Variants in SH3PXD2A observed in about 807,000 individuals in gnomAD.
SH3PXD2A encodes SH3 and PX domain-containing protein 2A.
In SH3PXD2A, 32 loss-of-function variants were observed where a neutral mutation model predicts 115.2. The observed-to-expected ratio is 0.28, with a 90% CI of 0.21 to 0.37. The LOEUF is 0.37. Ranked by LOEUF, SH3PXD2A falls within the 10% of genes least tolerant of loss-of-function variation. The probability of loss-of-function intolerance (pLI) is 1.00; values close to 1 mark genes in which losing one functional copy is unlikely to be tolerated. For missense variants in SH3PXD2A, 1,328 were observed against 1,498.7 expected (o/e 0.89, Z 1.88); for synonymous variants, 610 against 629.1 (o/e 0.97, Z 0.45).
At chr10:103,772,332 C>G (rs1246458494) in intron 2 of SH3PXD2A, among the ~76,000 whole-genome samples, 1 of 152,244 alleles carries the variant, frequency 6.6e-6, no homozygotes. Context: ...GTCTCCTGAA[C>G]CTGCTGCCCC....
At chr10:103,681,865 C>A (rs1446606622) in intron 6 of SH3PXD2A, among the ~76,000 whole-genome samples, 4 of 152,098 alleles carry the variant, frequency 2.6e-5, no homozygotes, top group Admixed American at 6.5e-5. Flanking sequence ...GCTTGAGGAG[C>A]TTGGGAGTTT....
At chr10:103,613,276 C>G in intron 11 of SH3PXD2A, 86 bp from the exon 12 acceptor site, 1 of 1,021,074 alleles carries the variant, frequency 9.8e-7, no homozygotes, top group Non-Finnish European at 1.4e-6. Context: ...CTGGCCTTGC[C>G]CAGTGGAGCC....
In SH3PXD2A at chr10:103,623,089, G is replaced by T. The variant is rs1437807691; in HGVS notation, c.719-536C>A. ...GGATCCCTTCCTTGCGGGGCTGAGA[G>T]CTCTCGCCATTCTGGGAACCCTTCC... On this transcript the variant is annotated intron_variant, in intron 9 of 14. Transcript: ENST00000369774. Among the ~76,000 whole-genome samples, 2 of 152,212 alleles carry T rather than the reference G, an allele frequency of 1.3e-5. 1 individual carries two copies. The highest frequency in any genetic ancestry group is 2.9e-5 in the Non-Finnish European group (2 of 68,034).
chr10:103,780,501 C>A (rs1223032009), intron 2 of SH3PXD2A, among the ~76,000 whole-genome samples: 1 of 152,226 alleles, frequency 6.6e-6, no homozygotes, highest in Non-Finnish European at 1.5e-5. Flanking sequence ...GGGCTGTGAA[C>A]CAGCACCAGC....
chr10:103,673,983 T>C (rs138402953), intron 6 of SH3PXD2A, among the ~76,000 whole-genome samples: 11 of 152,358 alleles, frequency 7.2e-5, no homozygotes, highest in Admixed American at 6.5e-4. Flanking sequence ...CATCCTTCAG[T>C]ATCTCTACAC....
chr10:103,727,801 G>A (rs932906171), intron 4 of SH3PXD2A, among the ~76,000 whole-genome samples: 4 of 152,358 alleles, frequency 2.6e-5, no homozygotes, highest in South Asian at 4.1e-4. Flanking sequence ...GAGGGGAGCC[G>A]CGTGGAGGGC....
At chr10:103,605,999 C>T (rs1444136328) in intron 13 of SH3PXD2A, 82 bp from the exon 14 acceptor site, 28 of 1,497,374 alleles carry the variant, frequency 1.9e-5, no homozygotes, top group East Asian at 4.7e-5. Context: ...CCACTCAGTC[C>T]CCAGGGGGTG....
At chr10:103,678,363 C>T (rs972405306) in intron 6 of SH3PXD2A, among the ~76,000 whole-genome samples, 2 of 152,258 alleles carry the variant, frequency 1.3e-5, no homozygotes, top group South Asian at 2.1e-4. Context: ...CTGGCTCTCA[C>T]GTGACCCAGC....
At position 103,596,754 on chromosome 10, in the gene SH3PXD2A, A is replaced by G. The variant is rs1054435596; in HGVS notation, c.*5062T>C. 2.0e-5 allele frequency: 3 copies of G among 152,406 alleles called. No individual in the cohort carries two copies. Among genetic ancestry groups the G allele is most frequent in the Admixed American group, 2.0e-4 (3 of 15,258 alleles). 9.4% of individuals were successfully genotyped at this position (152,406 alleles called of 1,614,324 possible). On this transcript the variant is annotated 3_prime_UTR_variant, in exon 15 of 15. Coordinates refer to ENST00000369774, the MANE Select transcript of SH3PXD2A (RefSeq NM_001394015.1). Reference sequence around the variant, plus strand: ...TAGCAATGTGGACAGTTCTCTTCCCAGAGAGCTCTGCTTTGAGATTCTCAA... The same window carrying G: ...TAGCAATGTGGACAGTTCTCTTCCCGGAGAGCTCTGCTTTGAGATTCTCAA...
chr10:103,762,543 G>A (rs987030487), intron 3 of SH3PXD2A, among the ~76,000 whole-genome samples: 1 of 152,138 alleles, frequency 6.6e-6, no homozygotes, highest in Non-Finnish European at 1.5e-5. Flanking sequence ...AGGGTGTCTG[G>A]GCTCTGGAGT....
intron 1 of SH3PXD2A, among the ~76,000 whole-genome samples, chr10:103,832,783 C>A (rs563614711): frequency 1.3e-5 from 2 of 152,156 alleles, no homozygotes; most frequent in East Asian, 3.9e-4. Flanking sequence ...AGGAGATATA[C>A]CTAATGTAAA....
chr10:103,682,711 C>T (rs56134400), intron 6 of SH3PXD2A, among the ~76,000 whole-genome samples: 6 of 151,044 alleles, frequency 4.0e-5, no homozygotes, highest in South Asian at 4.2e-4. Flanking sequence ...GAGCCGAGAT[C>T]GTGCCATTGC....
At chr10:103,828,903 G>T (rs1002773644) in intron 1 of SH3PXD2A, among the ~76,000 whole-genome samples, 1 of 152,138 alleles carries the variant, frequency 6.6e-6, no homozygotes, top group Non-Finnish European at 1.5e-5. Flanking sequence ...TTGAAAGGTG[G>T]TGTTGCGATT....
Position 103,602,592 on chromosome 10 carries a change from C to A in SH3PXD2A, c.2626G>T (p.Gly876Trp). The A allele has an allele frequency of 6.2e-7, 1 of 1,614,180 alleles. No individual in the cohort carries two copies. Among genetic ancestry groups the A allele is most frequent in the Non-Finnish European group, 8.5e-7 (1 of 1,180,040 alleles). The change falls in exon 15 of 15, where the codon GGG becomes TGG. Residue 876 changes from glycine to tryptophan, a missense_variant. Transcript: ENST00000369774. ...EVQVLEKQES[G>W]WWYVRFGELE... ...TCCCCAAACCTCACATACCACCACC[C>A]GCTCTCCTGCTTCTCCAGCACCTGC...
chr10:103,838,482 C>G (rs999313255), intron 1 of SH3PXD2A, among the ~76,000 whole-genome samples: 1 of 152,232 alleles, frequency 6.6e-6, no homozygotes, highest in African/African-American at 2.4e-5. Flanking sequence ...AATTTGAACT[C>G]AGGCAGTCTG....
At position 103,690,330 on chromosome 10, in the gene SH3PXD2A, G is replaced by C. The variant is rs1031318559; in HGVS notation, c.427+2698C>G. 2.0e-5 allele frequency among the ~76,000 whole-genome samples: 3 copies of C among 152,334 alleles called. No homozygotes were observed. In the East Asian group the frequency reaches 5.8e-4, roughly 29 times the overall value. ...TTATAACCATATGAGGTGTGTATTAGTCAGTGTTCTCCAGAGAAACAGAAC... is the reference window on the plus strand; with the variant it reads ...TTATAACCATATGAGGTGTGTATTACTCAGTGTTCTCCAGAGAAACAGAAC... On this transcript the variant is annotated intron_variant, in intron 6 of 14. Transcript: ENST00000369774.
chr10:103,732,811 A>G (rs2038337398), intron 4 of SH3PXD2A, among the ~76,000 whole-genome samples: 1 of 152,232 alleles, frequency 6.6e-6, no homozygotes, highest in Admixed American at 6.5e-5. Flanking sequence ...GGCAGTACGT[A>G]GACAAAGGCA....
intron 2 of SH3PXD2A, among the ~76,000 whole-genome samples, chr10:103,772,329 G>C (rs977366404): frequency 6.6e-6 from 1 of 152,230 alleles, no homozygotes; most frequent in African/African-American, 2.4e-5. Context: ...GCTGTCTCCT[G>C]AACCTGCTGC....
intron 6 of SH3PXD2A, among the ~76,000 whole-genome samples, chr10:103,690,579 A>G (rs1444018144): frequency 6.6e-6 from 1 of 152,182 alleles, no homozygotes; most frequent in South Asian, 2.1e-4. Context: ...CCTTCAACCA[A>G]TTGGATGAGG....
Sources: allele counts gnomAD v4.1 joint callset (sites outside exome capture counted in the v4.1 genomes callset), GRCh38; gene constraint gnomAD v4.1.1; transcripts MANE v1.5; gene names NCBI Gene and HGNC (gene_info 2026-07-23, HGNC 2026-07-21).